NGDN: variants seen among roughly 807,000 people sequenced by gnomAD.
NGDN encodes the protein neuroguidin.
A neutral mutation model predicts 45.2 loss-of-function variants in NGDN; 41 were observed. The ratio of observed to expected loss-of-function variants is 0.91; its 90% CI spans 0.71 to 1.18. The LOEUF is 1.18. Among genes scored for constraint, NGDN ranks in the 50% most tolerant of loss-of-function variants. The pLI is 0.00. For synonymous variants in NGDN, 137 were observed against 130.9 expected (o/e 1.05, Z -0.32); for missense variants, 402 against 399.9 (o/e 1.01, Z -0.05).
Position 23,469,710 on chromosome 14 carries a change from G to A in NGDN, c.-6G>A. On this transcript the variant is annotated 5_prime_UTR_variant, in exon 1 of 11. Transcript: ENST00000408901. ...TACGACACCGGAAGGGGTGGGCTTTGCGAAGATGGCGGCGCTGGTGAGTTT... is the reference window on the plus strand; with the variant it reads ...TACGACACCGGAAGGGGTGGGCTTTACGAAGATGGCGGCGCTGGTGAGTTT... The A allele has an allele frequency of 6.2e-7, 1 of 1,614,194 alleles. No homozygotes were observed. The highest frequency in any genetic ancestry group is 2.2e-5 in the East Asian group (1 of 44,878).
In NGDN at chr14:23,475,573, C is replaced by T. The variant is rs768047922; in HGVS notation, c.298C>T (p.Arg100Cys). 1.3e-5 allele frequency: 21 copies of T among 1,613,836 alleles called. 1 individual carries two copies. Among genetic ancestry groups the T allele is most frequent in the South Asian group, 2.2e-5 (2 of 91,070 alleles). ...CATGTTGTAGGTTTTGGAAAAGCTT[C>T]GTCCCTTGGACCAAAAGCTGAAGTA... ...VEIRTVLEKL[R>C]PLDQKLKYQI... is the part of the protein sequence containing the mutation. Residue 100 changes from arginine (R) to cysteine (C), a missense_variant, in exon 5 of 11, where the codon CGT becomes TGT. By Grantham distance (180) the Arg-to-Cys change is radical. Transcript: ENST00000408901.
At chr14:23,476,519 G>A (rs1466793881) in intron 8 of NGDN, 112 bp downstream of exon 8, 24 of 1,027,834 alleles carry the variant, frequency 2.3e-5, no homozygotes, top group Non-Finnish European at 3.1e-5. Context: ...ATAGAAAATG[G>A]AGTGAAAACT....
At chr14:23,469,931 C>T in intron 1 of NGDN, 111 bp from the exon 2 acceptor site, 2 of 1,282,362 alleles carry the variant, frequency 1.6e-6, no homozygotes, top group African/African-American at 1.5e-5. Flanking sequence ...GTGAAGGCCC[C>T]GAGTCTGGGT....
intron 2 of NGDN, 120 bp from the exon 3 acceptor site, chr14:23,470,786 C>A (rs1893758346): frequency 1.5e-6 from 1 of 664,602 alleles, no homozygotes; most frequent in Non-Finnish European, 2.6e-6. Flanking sequence ...GAAGATAGTA[C>A]TATACTTTAG....
chr14:23,471,173 A>T (rs1054817584), intron 3 of NGDN, 196 bp downstream of exon 3: 7 of 404,354 alleles, frequency 1.7e-5, no homozygotes, highest in African/African-American at 1.4e-4. Flanking sequence ...GTCACATTAC[A>T]GAGTTATGAG....
Position 23,470,919 on chromosome 14 carries a change from C to T in NGDN, c.86C>T (p.Thr29Ile). 1 of 1,572,518 alleles carries T rather than the reference C, an allele frequency of 6.4e-7. No individual in the cohort carries two copies. The highest frequency in any genetic ancestry group is 8.6e-7 in the Non-Finnish European group (1 of 1,164,014). Residue 29 changes from threonine (T) to isoleucine (I), a missense_variant, in exon 3 of 11, where the codon ACT becomes ATT. Transcript: ENST00000408901. ...KNLQEQVMAVTAQVKSLTQKV... is the reference protein window; with the variant it reads ...KNLQEQVMAVIAQVKSLTQKV... ...GGCTAATTTCAGGTGATGGCTGTAA[C>T]TGCACAAGTGAAATCACTGACACAA... is the stretch of plus-strand genomic sequence containing the variant.
chr14:23,476,218 C>G, intron 7 of NGDN, 21 bp from the exon 8 acceptor site: 1 of 1,613,788 alleles, frequency 6.2e-7, no homozygotes, highest in South Asian at 1.1e-5. Context: ...TTGGATAACC[C>G]TGCTTATTTT....
intron 3 of NGDN, among the ~76,000 whole-genome samples, chr14:23,474,163 A>G (rs867185930): frequency 1.9e-4 from 29 of 152,228 alleles, no homozygotes; most frequent in African/African-American, 5.5e-4. Context: ...CTCTCCTTCT[A>G]TACCACAGTA....
In NGDN at chr14:23,476,067, T is replaced by C. The variant is rs1292393598; in HGVS notation, c.459T>C (p.Asp153=). Residue 153 remains aspartate (D), a synonymous_variant, in exon 7 of 11, where the codon GAT becomes GAC. Coordinates refer to ENST00000408901, the MANE Select transcript of NGDN (RefSeq NM_001042635.2). The part of the protein sequence containing the change: ...SEDEEEDEAE[D]DQSEASGKKS... ...ATGAGGAGGAAGATGAAGCAGAAGA[T>C]GACCAGTCTGAGGCTTCAGGGAAGA... 1.2e-6 allele frequency: 2 copies of C among 1,614,026 alleles called. No homozygotes were observed. The highest frequency in any genetic ancestry group is 3.3e-5 in the Admixed American group (2 of 60,008).
At position 23,478,112 on chromosome 14, in the gene NGDN, T is replaced by C; in HGVS notation, c.*86T>C. ...TATAGGTGGTTTTCCCTGGAATTCA[T>C]TAATTGTTTGCTTTGGACATGTGGA... On this transcript the variant is annotated 3_prime_UTR_variant, in exon 11 of 11. Coordinates refer to ENST00000408901, the MANE Select transcript of NGDN (RefSeq NM_001042635.2). The C allele has an allele frequency of 1.5e-6, 2 of 1,346,726 alleles. No homozygotes were observed. Among genetic ancestry groups the C allele is most frequent in the Non-Finnish European group, 1.1e-6 (1 of 941,216 alleles). The allele number at this position is 1,346,726 out of a possible 1,614,324, so 83.4% of individuals were successfully genotyped here.
chr14:23,473,653 C>CATGTTTAA (rs994142317), intron 3 of NGDN, among the ~76,000 whole-genome samples: 7 of 152,016 alleles, frequency 4.6e-5, no homozygotes, highest in Middle Eastern at 3.4e-3. Context: ...GGCGAAACCC[C>CATGTTTAA]GTCTCTTAAA....
At chr14:23,469,916 C>T (rs1200111271) in intron 1 of NGDN, 126 bp from the exon 2 acceptor site, 9 of 1,248,122 alleles carry the variant, frequency 7.2e-6, no homozygotes, top group Non-Finnish European at 1.0e-5. Context: ...TCTGTGAACC[C>T]GAGTGTGAAG....
At position 23,470,056 on chromosome 14, in the gene NGDN, CG is replaced by C; in HGVS notation, c.28del (p.Asp10ThrfsTer6). On this transcript the variant is annotated frameshift_variant, in exon 2 of 11. Transcript: ENST00000408901. LOFTEE classifies it high-confidence loss of function. MAALGVLES[D>X]LPSAVTLLKN... ...CCCTTCTGTAGGGGGTGCTGGAGTC[CG>C]ACCTGCCAAGTGCCGTGACACTTCT... 6.2e-7 allele frequency: 1 copy of C among 1,614,018 alleles called. No individual in the cohort carries two copies. Among genetic ancestry groups the C allele is most frequent in the African/African-American group, 1.3e-5 (1 of 75,018 alleles).
rs73587691 is a variant in NGDN, at chr14:23,471,057, T to C, written c.144+80T>C. The stretch of plus-strand genomic sequence containing the variant: ...TTCATTGTATGTTTATTGTGTCTTA[T>C]ATATCCTAAGTGCTCGAGCTTCAAA... On this transcript the variant is annotated intron_variant, in intron 3 of 10. Transcript: ENST00000408901. 1,652 of 980,564 alleles carry C rather than the reference T, an allele frequency of 1.7e-3. 24 individuals carry two copies. In the African/African-American group the frequency reaches 0.024, roughly 15 times the overall value. The allele number at this position is 980,564 out of a possible 1,614,324, so 60.7% of individuals were successfully genotyped here. A position where few individuals can be genotyped will look rare whatever the true frequency, so the allele number is the denominator to read the frequency against.
At chr14:23,477,971 G>A in intron 10 of NGDN, 36 bp from the exon 11 acceptor site, 1 of 1,614,076 alleles carries the variant, frequency 6.2e-7, no homozygotes, top group South Asian at 1.1e-5. Flanking sequence ...TTTTCCAACT[G>A]TCCTTTGCCT....
At chr14:23,472,868 A>T (rs8007185) in intron 3 of NGDN, among the ~76,000 whole-genome samples, 114,338 of 151,788 alleles carry the variant, frequency 0.75, 43,601 homozygotes, top group Non-Finnish European at 0.83. Context: ...ATTTTTATTT[A>T]AAAAAAATTT....
downstream of NGDN, chr14:23,478,688 G>C (rs1893959150): frequency 6.7e-6 from 1 of 148,606 alleles, no homozygotes; most frequent in Non-Finnish European, 1.5e-5. Context: ...AAGAAGGCTA[G>C]AGTGAAGAGT....
chr14:23,470,654 C>T (rs372295812), intron 2 of NGDN, among the ~76,000 whole-genome samples: 1 of 152,210 alleles, frequency 6.6e-6, no homozygotes, highest in Non-Finnish European at 1.5e-5. Flanking sequence ...AGTCACTACT[C>T]TCTCAGTCCT....
chr14:23,476,199 T>A (rs1566551557), intron 7 of NGDN, 40 bp from the exon 8 acceptor site: 1 of 1,613,842 alleles, frequency 6.2e-7, no homozygotes, highest in African/African-American at 1.3e-5. Context: ...GTTTCTCTTT[T>A]CTCTGTTCTT....
Sources: gnomAD v4.1 joint callset for allele counts (sites outside exome capture counted in the v4.1 genomes callset) on GRCh38, gnomAD v4.1.1 for gene constraint, MANE v1.5 for transcripts, NCBI Gene and HGNC (gene_info 2026-07-23, HGNC 2026-07-21) for gene names.